The following POU6F2 variants were observed in gnomAD, a reference collection of about 807,000 sequenced individuals.
POU6F2 encodes POU domain, class 6, transcription factor 2.
POU6F2 carries 31 observed loss-of-function variants against 71.3 expected under a neutral mutation model. That is an observed-to-expected ratio of 0.43 (90% CI 0.33 to 0.59). The LOEUF (loss-of-function observed/expected upper bound fraction) is 0.59, where lower values mean the gene tolerates loss of function less well. Among genes scored for constraint, POU6F2 ranks in the 20% least tolerant of loss-of-function variants. The probability of loss-of-function intolerance (pLI) is 0.04; values close to 1 mark genes in which losing one functional copy is unlikely to be tolerated. For synonymous variants in POU6F2, 347 were observed against 355.7 expected, an observed-to-expected ratio of 0.98 and a Z score of 0.27; for missense variants, 783 against 856.8, an observed-to-expected ratio of 0.91 and a Z score of 1.07.
At chr7:39,056,851 G>A (rs1446733477) in intron 1 of POU6F2, among the ~76,000 whole-genome samples, 1 of 152,032 alleles carries the variant, frequency 6.6e-6, no homozygotes, top group Admixed American at 6.6e-5. Flanking sequence ...CTCACAAGCT[G>A]ACAATACAGA....
chr7:39,305,047 A>G (rs1019678990), intron 4 of POU6F2, among the ~76,000 whole-genome samples: 3 of 152,266 alleles, frequency 2.0e-5, no homozygotes, highest in Admixed American at 1.3e-4. Context: ...ACTTTCTGCA[A>G]TTATGTATAC....
chr7:39,237,145 G>A (rs546437502), intron 4 of POU6F2, among the ~76,000 whole-genome samples: 1 of 152,268 alleles, frequency 6.6e-6, no homozygotes, highest in South Asian at 2.1e-4. Flanking sequence ...ACTTGCAGAA[G>A]CCTGAATGAA....
At chr7:39,027,351 A>G (rs907529122) in intron 1 of POU6F2, among the ~76,000 whole-genome samples, 1 of 152,148 alleles carries the variant, frequency 6.6e-6, no homozygotes, top group African/African-American at 2.4e-5. Flanking sequence ...CCATCATCCA[A>G]TCACACTGAT....
chr7:39,004,214 C>A (rs1788992257), intron 1 of POU6F2, among the ~76,000 whole-genome samples: 1 of 152,142 alleles, frequency 6.6e-6, no homozygotes, highest in African/African-American at 2.4e-5. Context: ...TTCTTGGACA[C>A]TTCTTATATG....
intron 4 of POU6F2, among the ~76,000 whole-genome samples, chr7:39,311,032 G>A (rs1484548866): frequency 1.3e-5 from 2 of 152,112 alleles, no homozygotes; most frequent in African/African-American, 2.4e-5. Context: ...GTCACATCCC[G>A]GTTGGATAGA....
intron 1 of POU6F2, among the ~76,000 whole-genome samples, chr7:38,996,101 G>A (rs1326974208): frequency 4.2e-5 from 6 of 144,088 alleles, no homozygotes; most frequent in Middle Eastern, 3.5e-3. Flanking sequence ...GTGGAATGGC[G>A]CGATCTCGGC....
At chr7:39,168,336 C>T (rs1793153909) in intron 2 of POU6F2, among the ~76,000 whole-genome samples, 1 of 152,180 alleles carries the variant, frequency 6.6e-6, no homozygotes, top group Non-Finnish European at 1.5e-5. Flanking sequence ...GGAGTATTAT[C>T]TGTTTTAAAT....
At chr7:39,401,635 G>A in intron 5 of POU6F2, among the ~76,000 whole-genome samples, 1 of 152,208 alleles carries the variant, frequency 6.6e-6, no homozygotes, top group East Asian at 1.9e-4. Flanking sequence ...AGGTCCTAAT[G>A]TATGTAAATG....
At chr7:39,186,982 C>T (rs546730691) in intron 2 of POU6F2, among the ~76,000 whole-genome samples, 1 of 152,340 alleles carries the variant, frequency 6.6e-6, no homozygotes, top group East Asian at 1.9e-4. Flanking sequence ...GACATGCCTA[C>T]TAATGTGATC....
intron 6 of POU6F2, among the ~76,000 whole-genome samples, chr7:39,424,926 G>A (rs766317853): frequency 1.3e-5 from 2 of 152,024 alleles, no homozygotes; most frequent in African/African-American, 2.4e-5. Context: ...ATGGGGCCGA[G>A]GCTGCTAACT....
At chr7:39,187,014 C>G (rs377286033) in intron 2 of POU6F2, among the ~76,000 whole-genome samples, 1 of 152,166 alleles carries the variant, frequency 6.6e-6, no homozygotes, top group South Asian at 2.1e-4. Flanking sequence ...CTCTTGTCTC[C>G]CTTCAAATAT....
chr7:39,113,730 A>T (rs1791869969), intron 2 of POU6F2, among the ~76,000 whole-genome samples: 1 of 152,214 alleles, frequency 6.6e-6, no homozygotes, highest in South Asian at 2.1e-4. Flanking sequence ...GCAAACCAGG[A>T]AAATGCCTCA....
intron 1 of POU6F2, among the ~76,000 whole-genome samples, chr7:38,982,784 T>C (rs946633299): frequency 6.6e-6 from 1 of 152,120 alleles, no homozygotes; most frequent in African/African-American, 2.4e-5. Flanking sequence ...TTTCAATGCT[T>C]AAGAACTTAA....
At chr7:39,147,312 G>A (rs900469680) in intron 2 of POU6F2, among the ~76,000 whole-genome samples, 11 of 152,070 alleles carry the variant, frequency 7.2e-5, no homozygotes, top group African/African-American at 2.7e-4. Context: ...AAATTTCCAG[G>A]AAAACTAAGT....
chr7:39,240,528 A>G (rs1407351096), intron 4 of POU6F2, among the ~76,000 whole-genome samples: 2 of 152,128 alleles, frequency 1.3e-5, no homozygotes, highest in African/African-American at 2.4e-5. Flanking sequence ...GCCAGAAACC[A>G]GTTCCTACCA....
At chr7:38,984,550 A>G (rs189749325) in intron 1 of POU6F2, 1 of 152,200 alleles carries the variant, frequency 6.6e-6, no homozygotes, top group Non-Finnish European at 1.5e-5. Flanking sequence ...ACACACAAAA[A>G]ATACAGTGAA....
chr7:39,251,453 T>C (rs574593431), intron 4 of POU6F2, among the ~76,000 whole-genome samples: 31 of 151,996 alleles, frequency 2.0e-4, no homozygotes, highest in African/African-American at 7.5e-4. Context: ...CAGGCCAGAG[T>C]GTGGAGGAGG....
At chr7:39,149,531 G>A (rs1792699928) in intron 2 of POU6F2, among the ~76,000 whole-genome samples, 1 of 152,162 alleles carries the variant, frequency 6.6e-6, no homozygotes, top group Admixed American at 6.5e-5. Context: ...GATAAGAGCA[G>A]CTAAAATCTA....
chr7:39,166,355 G>A (rs1268981674), intron 2 of POU6F2, among the ~76,000 whole-genome samples: 1 of 152,108 alleles, frequency 6.6e-6, no homozygotes, highest in African/African-American at 2.4e-5. Context: ...ATATTAACGG[G>A]AGTTAGACTT....
Sources: gnomAD v4.1 joint callset for allele counts (sites outside exome capture counted in the v4.1 genomes callset) on GRCh38, gnomAD v4.1.1 for gene constraint, MANE v1.5 for transcripts, NCBI Gene and HGNC (gene_info 2026-07-23, HGNC 2026-07-21) for gene names.